Variants in NRP1 observed in about 807,000 individuals in gnomAD.
The protein encoded by NRP1 is neuropilin 1, also known as neuropilin-1.
A neutral mutation model predicts 106.7 loss-of-function variants in NRP1; 35 were observed. The observed-to-expected ratio is 0.33, with a 90% CI of 0.25 to 0.43. NRP1 has a LOEUF of 0.43. Among genes scored for constraint, NRP1 ranks in the 20% least tolerant of loss-of-function variants. The pLI is 1.00. For missense variants in NRP1, 1,024 were observed against 1,170.4 expected (o/e 0.87, Z 1.83); for synonymous variants, 437 against 417.9 (o/e 1.05, Z -0.56).
intron 2 of NRP1, among the ~76,000 whole-genome samples, chr10:33,304,077 G>A (rs1164232521): frequency 1.3e-5 from 2 of 152,226 alleles, no homozygotes; most frequent in African/African-American, 4.8e-5. Context: ...TATTTCCTGT[G>A]TGGCACTTAG....
chr10:33,330,719 G>T lies in NRP1; in HGVS notation c.237C>A (p.Asp79Glu). 1 of 1,612,088 alleles carries T rather than the reference G, an allele frequency of 6.2e-7. No individual in the cohort carries two copies. The highest frequency in any genetic ancestry group is 8.5e-7 in the Non-Finnish European group (1 of 1,178,634). ...INFNPHFDLE[D>E]RDCKYDYVEV... Reference sequence around the variant, plus strand: ...ACATTCCCACTTACTTGCAGTCTCTGTCCTCCAAATCGAAGTGAGGGTTGA... The same window carrying T: ...ACATTCCCACTTACTTGCAGTCTCTTTCCTCCAAATCGAAGTGAGGGTTGA... Residue 79 changes from aspartate (D) to glutamate (E), a missense_variant, in exon 2 of 17, where the codon GAC becomes GAA. Transcript: ENST00000374867.
At chr10:33,267,024 T>C (rs1281050715) in intron 3 of NRP1, among the ~76,000 whole-genome samples, 2 of 152,004 alleles carry the variant, frequency 1.3e-5, no homozygotes, top group African/African-American at 4.8e-5. Flanking sequence ...AGAGTGAGAC[T>C]CTGTCTCAAA....
At chr10:33,298,818 G>A (rs1039487850) in intron 2 of NRP1, among the ~76,000 whole-genome samples, 3 of 152,108 alleles carry the variant, frequency 2.0e-5, no homozygotes, top group Non-Finnish European at 2.9e-5. Flanking sequence ...CAGGCACACC[G>A]TAGACACCAC....
At chr10:33,199,503 A>C (rs1208275646) in intron 11 of NRP1, among the ~76,000 whole-genome samples, 1 of 142,982 alleles carries the variant, frequency 7.0e-6, no homozygotes, top group Non-Finnish European at 1.5e-5. Context: ...TTGGCCTCCC[A>C]AAGTGCTGGT....
In NRP1 at chr10:33,330,731, G is replaced by C; in HGVS notation, c.225C>G (p.Phe75Leu). ...ACTTGCAGTCTCTGTCCTCCAAATC[G>C]AAGTGAGGGTTGAAGTTGATCATAA... is the stretch of plus-strand genomic sequence containing the variant. ...QRIMINFNPH[F>L]DLEDRDCKYD... is the part of the protein sequence containing the mutation. Residue 75 changes from phenylalanine (F) to leucine (L), a missense_variant, in exon 2 of 17, where the codon TTC (phenylalanine) becomes TTG (leucine). Physicochemically the swap from Phe to Leu is conservative, Grantham distance 22. Transcript: ENST00000374867. 1 of 1,612,776 alleles carries C rather than the reference G, an allele frequency of 6.2e-7. No homozygotes were observed. The highest frequency in any genetic ancestry group is 8.5e-7 in the Non-Finnish European group (1 of 1,179,252).
At position 33,276,013 on chromosome 10, in the gene NRP1, C is replaced by T. The variant is rs1588900706; in HGVS notation, c.249-5157G>A. On this transcript the variant is annotated intron_variant, in intron 2 of 16. Coordinates refer to ENST00000374867, the MANE Select transcript of NRP1 (RefSeq NM_003873.7). ...CAGTGAAAAATCAGAATATAAAACCCTATATACAGTGTATTCTCAACTCTT... is the reference window on the plus strand; with the variant it reads ...CAGTGAAAAATCAGAATATAAAACCTTATATACAGTGTATTCTCAACTCTT... 3.9e-5 allele frequency among the ~76,000 whole-genome samples: 6 copies of T among 152,126 alleles called. No individual in the cohort carries two copies. In the East Asian group the frequency reaches 1.2e-3, roughly 29 times the overall value.
intron 2 of NRP1, among the ~76,000 whole-genome samples, chr10:33,299,605 C>A (rs568735121): frequency 1.3e-5 from 2 of 151,980 alleles, no homozygotes; most frequent in Non-Finnish European, 2.9e-5. Context: ...ATAGTGAGAC[C>A]CCAGTCTCTA....
chr10:33,262,948 CA>C (rs2133237606), intron 4 of NRP1, among the ~76,000 whole-genome samples: 1 of 152,290 alleles, frequency 6.6e-6, no homozygotes, highest in South Asian at 2.1e-4. Context: ...CAGCATCTTT[CA>C]TTGTTTTGCT....
At chr10:33,307,120 T>C (rs1037230822) in intron 2 of NRP1, among the ~76,000 whole-genome samples, 11 of 152,332 alleles carry the variant, frequency 7.2e-5, no homozygotes, top group African/African-American at 2.4e-4. Flanking sequence ...AGACTATAAC[T>C]AGGATTCATG....
At chr10:33,206,385 C>A (rs1405773298) in intron 10 of NRP1, 4 of 513,004 alleles carry the variant, frequency 7.8e-6, no homozygotes, top group South Asian at 4.2e-5. Flanking sequence ...GACATGACTA[C>A]AGATATGGAA....
chr10:33,204,196 C>T (rs1168795926), intron 10 of NRP1, among the ~76,000 whole-genome samples: 1 of 152,028 alleles, frequency 6.6e-6, no homozygotes, highest in Non-Finnish European at 1.5e-5. Flanking sequence ...TCTCTTCTCG[C>T]CAGTAGGAAT....
At chr10:33,192,850 C>G (rs1836508792) in intron 12 of NRP1, among the ~76,000 whole-genome samples, 2 of 152,198 alleles carry the variant, frequency 1.3e-5, no homozygotes, top group Non-Finnish European at 2.9e-5. Context: ...CATGAAGCCT[C>G]AAAAGTGGAA....
chr10:33,317,487 G>A lies in NRP1; in HGVS notation c.248+13221C>T, dbSNP rs550336047. On this transcript the variant is annotated intron_variant, in intron 2 of 16. Transcript: ENST00000374867. The stretch of plus-strand genomic sequence containing the variant: ...AACATTTATTTCCCAGCTGCCTTTC[G>A]CTATGGATTTATGCTACAAAATCCA... Among the ~76,000 whole-genome samples the A allele has an allele frequency of 3.9e-5, 6 of 152,260 alleles. No individual in the cohort carries two copies. The East Asian group carries it at 7.7e-4, about 20-fold the overall frequency.
intron 2 of NRP1, among the ~76,000 whole-genome samples, chr10:33,272,836 A>C (rs1181405119): frequency 6.6e-6 from 1 of 152,022 alleles, no homozygotes; most frequent in Non-Finnish European, 1.5e-5. Flanking sequence ...TGGTCTGAAT[A>C]CTAAGTGGCC....
At chr10:33,233,891 T>C (rs114511122) in intron 6 of NRP1, among the ~76,000 whole-genome samples, 2,182 of 152,276 alleles carry the variant, frequency 0.014, 60 homozygotes, top group African/African-American at 0.05. Flanking sequence ...ATAAAACACA[T>C]GTTTTTTACA....
At chr10:33,333,550 A>G (rs1564499153) in intron 1 of NRP1, among the ~76,000 whole-genome samples, 1 of 152,240 alleles carries the variant, frequency 6.6e-6, no homozygotes, top group Non-Finnish European at 1.5e-5. Flanking sequence ...AGATAATTGC[A>G]TACCCTTGCC....
At chr10:33,280,933 T>G (rs1844077187) in intron 2 of NRP1, among the ~76,000 whole-genome samples, 1 of 150,244 alleles carries the variant, frequency 6.7e-6, no homozygotes, top group South Asian at 2.1e-4. Flanking sequence ...ATGGCACCAC[T>G]GAACTTCAGC....
chr10:33,203,025 A>T, intron 10 of NRP1, 30 bp from the exon 11 acceptor site: 1 of 1,550,546 alleles, frequency 6.4e-7, no homozygotes, highest in South Asian at 1.2e-5. Context: ...TTATTATCTC[A>T]CACCTTGGAA....
At chr10:33,207,767 C>T (rs1837920885) in intron 9 of NRP1, 51 bp from the exon 10 acceptor site, 1 of 1,588,474 alleles carries the variant, frequency 6.3e-7, no homozygotes, top group Admixed American at 1.8e-5. Context: ...AAACAGAGCT[C>T]CCTTTTAGCA....
Sources: allele counts gnomAD v4.1 joint callset (sites outside exome capture counted in the v4.1 genomes callset), GRCh38; gene constraint gnomAD v4.1.1; transcripts MANE v1.5; gene names NCBI Gene and HGNC (gene_info 2026-07-23, HGNC 2026-07-21).